Variants in UNC79 observed in about 807,000 individuals in gnomAD.
UNC79 encodes protein unc-79 homolog.
Under a neutral mutation model 283.1 loss-of-function variants are expected in UNC79, and 37 were observed. That is an observed-to-expected ratio of 0.13 (90% CI 0.10 to 0.17). The LOEUF is 0.17. Ranked by LOEUF, UNC79 falls within the 10% of genes least tolerant of loss-of-function variation. The pLI, the probability that UNC79 is intolerant of heterozygous loss-of-function variation, is 1.00. For missense variants in UNC79, 2,272 were observed against 3,211.1 expected, an observed-to-expected ratio of 0.71 and a Z score of 7.07; for synonymous variants, 1,107 against 1,200.2, an observed-to-expected ratio of 0.92 and a Z score of 1.61.
At chr14:93,396,777 A>ATGTGTGTGTGTGTGTATGTGTGTGTG (rs2055007098) in intron 1 of UNC79, among the ~76,000 whole-genome samples, 1 of 144,380 alleles carries the variant, frequency 6.9e-6, no homozygotes. Context: ...ATGTGTGTGT[A>ATGTGTGTGTGTGTGTATGTGTGTGTG]TGTGTGTGTG....
At chr14:93,490,878 A>G (rs1216044730) in intron 5 of UNC79, among the ~76,000 whole-genome samples, 2 of 152,094 alleles carry the variant, frequency 1.3e-5, no homozygotes, top group Non-Finnish European at 2.9e-5. Context: ...CCACTTCCAC[A>G]TTTTTAGCTG....
Position 93,586,747 on chromosome 14 carries a change from G to GT in UNC79, c.2884-7dup, listed in dbSNP as rs58641997. On this transcript the variant is annotated splice_polypyrimidine_tract_variant and intron_variant, in intron 21 of 48. Transcript: ENST00000555664. ...TTTTGGATAACTTAGTAACCATGTG[G>GT]TTTTTTGTATAGGAAATGGCTAAGT... 2.7e-3 allele frequency: 4,293 copies of GT among 1,613,448 alleles called. 100 individuals carry two copies. In the African/African-American group the frequency reaches 0.05, roughly 19 times the overall value.
At chr14:93,448,764 T>C (rs1277836834) in intron 1 of UNC79, among the ~76,000 whole-genome samples, 1 of 152,190 alleles carries the variant, frequency 6.6e-6, no homozygotes, top group Non-Finnish European at 1.5e-5. Context: ...GCTGGGCTGA[T>C]TTGGGTCTAT....
chr14:93,591,117 T>C (rs1383252196), intron 22 of UNC79, among the ~76,000 whole-genome samples: 1 of 152,200 alleles, frequency 6.6e-6, no homozygotes, highest in East Asian at 1.9e-4. Context: ...TCCACTTATT[T>C]AGATTAAGCA....
intron 30 of UNC79, among the ~76,000 whole-genome samples, chr14:93,627,050 A>G (rs2067622927): frequency 6.6e-6 from 1 of 152,122 alleles, no homozygotes; most frequent in Non-Finnish European, 1.5e-5. Context: ...ACATGGTGAT[A>G]CCCTGTCTCT....
At position 93,617,253 on chromosome 14, in the gene UNC79, G is replaced by A. The variant is rs1238973201; in HGVS notation, c.4173G>A (p.Lys1391=). The change falls in exon 28 of 49, where the codon AAG becomes AAA. Residue 1391 remains lysine, a synonymous_variant. Coordinates refer to ENST00000555664, the Ensembl canonical transcript of UNC79. The surrounding 1 kb of genome is among the most constrained non-coding windows in gnomAD (Gnocchi z 4.5). ...CTCGTTGCTCCCTCTGGTCCCTAAA[G>A]CCTCACATCCGGCAGATGTGGTTGA... The A allele has an allele frequency of 6.2e-7, 1 of 1,614,158 alleles. No individual in the cohort carries two copies. Among genetic ancestry groups the A allele is most frequent in the Non-Finnish European group, 8.5e-7 (1 of 1,180,024 alleles).
rs560686348 is a variant in UNC79, at chr14:93,697,432, G to A, written c.7548+3020G>A. The stretch of plus-strand genomic sequence containing the variant: ...ATTATAGGTGTGAGCCACTATGCCC[G>A]GCCAGATCTCTGTCTATTTTTATAA... On this transcript the variant is annotated intron_variant, in intron 47 of 48. Transcript: ENST00000555664. 2.2e-4 allele frequency among the ~76,000 whole-genome samples: 33 copies of A among 152,218 alleles called. 1 individual carries two copies. The highest frequency in any genetic ancestry group is 7.2e-4 in the African/African-American group (30 of 41,548).
intron 20 of UNC79, 114 bp downstream of exon 20, chr14:93,582,458 T>C (rs537630225): frequency 7.0e-7 from 1 of 1,423,756 alleles, no homozygotes; most frequent in East Asian, 2.5e-5. Flanking sequence ...GTTTCCTTAG[T>C]ATAGACTCGT....
chr14:93,443,979 G>C (rs752781382), intron 1 of UNC79, among the ~76,000 whole-genome samples: 1 of 152,144 alleles, frequency 6.6e-6, no homozygotes, highest in Non-Finnish European at 1.5e-5. Flanking sequence ...GAATTGCTTG[G>C]TAGTATGGTT....
chr14:93,476,081 C>T (rs748134653), intron 3 of UNC79, among the ~76,000 whole-genome samples: 19 of 152,102 alleles, frequency 1.2e-4, no homozygotes, highest in East Asian at 1.2e-3. Flanking sequence ...TGGTCCCACC[C>T]GGGGACTAGT....
At chr14:93,487,776 T>G (rs769210720) in intron 5 of UNC79, 21 bp downstream of exon 5, 83 of 1,604,332 alleles carry the variant, frequency 5.2e-5, no homozygotes, top group Middle Eastern at 5.0e-4. Flanking sequence ...ATTGGAATGG[T>G]TTGACTAATT....
rs148004048 is a variant in UNC79, at chr14:93,338,850, T to C, written c.-351+5327T>C. On this transcript the variant is annotated intron_variant, in intron 1 of 49. Coordinates refer to the UNC79 transcript ENST00000256339. ...TTTGAGCCTGGGAGGTGGAGGTTGC[T>C]GTGAGCTGAGATCACACCACTGCAC... Among the ~76,000 whole-genome samples, 562 of 152,210 alleles carry C rather than the reference T, an allele frequency of 3.7e-3. 2 individuals carry two copies. The highest frequency in any genetic ancestry group is 0.013 in the African/African-American group (537 of 41,524).
exon 7 of UNC79, chr14:93,497,278 A>G: frequency 6.2e-7 from 1 of 1,612,356 alleles, no homozygotes; most frequent in Non-Finnish European, 8.5e-7. Context: ...AGGGGGTTGC[A>G]GTACACAGGT....
chr14:93,466,537 C>T (rs2057190818), intron 1 of UNC79, among the ~76,000 whole-genome samples: 1 of 152,196 alleles, frequency 6.6e-6, no homozygotes, highest in African/African-American at 2.4e-5. Context: ...TCTCTAAGGT[C>T]CTTCCAGTTC....
intron 1 of UNC79, among the ~76,000 whole-genome samples, chr14:93,448,737 C>T (rs373584047): frequency 6.6e-6 from 1 of 152,130 alleles, no homozygotes; most frequent in South Asian, 2.1e-4. Flanking sequence ...TTACTTTGTT[C>T]AGATCTTTTG....
intron 1 of UNC79, among the ~76,000 whole-genome samples, chr14:93,367,562 GA>G (rs1475173098): frequency 6.6e-6 from 1 of 152,142 alleles, no homozygotes; most frequent in Non-Finnish European, 1.5e-5. Context: ...TAAAAACATG[GA>G]AAAGAAAATG....
chr14:93,696,989 G>C (rs1216351084), intron 47 of UNC79, among the ~76,000 whole-genome samples: 1 of 151,294 alleles, frequency 6.6e-6, no homozygotes, highest in East Asian at 2.0e-4. Flanking sequence ...TTTGTATATG[G>C]ATAGTCAGTT....
At chr14:93,408,017 A>G (rs1393388063) in intron 1 of UNC79, among the ~76,000 whole-genome samples, 1 of 152,200 alleles carries the variant, frequency 6.6e-6, no homozygotes, top group Non-Finnish European at 1.5e-5. Context: ...CTGTATACCT[A>G]CAGTTACTAT....
chr14:93,410,786 C>A (rs532946448), intron 1 of UNC79, among the ~76,000 whole-genome samples: 1 of 152,154 alleles, frequency 6.6e-6, no homozygotes, highest in African/African-American at 2.4e-5. Flanking sequence ...AGCCTTTGAT[C>A]CTTGAATAAC....
Sources: allele counts gnomAD v4.1 joint callset (sites outside exome capture counted in the v4.1 genomes callset), GRCh38; gene constraint gnomAD v4.1.1; non-coding constraint Gnocchi (gnomAD v3.1); transcripts MANE v1.5; gene names NCBI Gene and HGNC (gene_info 2026-07-23, HGNC 2026-07-21).